Variants in PLCB4 observed in about 807,000 individuals in gnomAD.
PLCB4 encodes 1-phosphatidylinositol 4,5-bisphosphate phosphodiesterase beta-4.
PLCB4 carries 77 observed loss-of-function variants against 178.8 expected under a neutral mutation model. The ratio of observed to expected loss-of-function variants is 0.43; its 90% CI spans 0.36 to 0.52. The LOEUF is 0.52. PLCB4 is among the 20% of genes least tolerant of loss of function. The pLI, the probability that PLCB4 is intolerant of heterozygous loss-of-function variation, is 0.00. For synonymous variants in PLCB4, 496 were observed against 490.8 expected, an observed-to-expected ratio of 1.01 and a Z score of -0.14; for missense variants, 1,024 against 1,453.4, an observed-to-expected ratio of 0.70 and a Z score of 4.80.
intron 2 of PLCB4, among the ~76,000 whole-genome samples, chr20:9,184,788 G>GT (rs765264432): frequency 6.6e-6 from 1 of 152,100 alleles, no homozygotes; most frequent in Non-Finnish European, 1.5e-5. Flanking sequence ...AATCTTGACA[G>GT]TTGTACATTC....
chr20:9,252,985 C>T (rs1013217284), intron 3 of PLCB4, among the ~76,000 whole-genome samples: 2 of 152,164 alleles, frequency 1.3e-5, no homozygotes, highest in Non-Finnish European at 2.9e-5. Context: ...TCTCAGCCTC[C>T]GTGATCATGT....
intron 2 of PLCB4, among the ~76,000 whole-genome samples, chr20:9,206,489 C>T (rs1274661547): frequency 6.6e-6 from 1 of 152,068 alleles, no homozygotes; most frequent in African/African-American, 2.4e-5. Context: ...CTCTTGGGAG[C>T]TCCAGAAACT....
intron 19 of PLCB4, among the ~76,000 whole-genome samples, chr20:9,399,085 T>C (rs2038831118): frequency 6.6e-6 from 1 of 152,250 alleles, no homozygotes; most frequent in African/African-American, 2.4e-5. Flanking sequence ...AATTAGCATC[T>C]GTATGGCTTC....
chr20:9,448,593 T>C (rs1310735539), intron 32 of PLCB4, among the ~76,000 whole-genome samples: 4 of 151,584 alleles, frequency 2.6e-5, no homozygotes, highest in African/African-American at 9.7e-5. Flanking sequence ...TTGTAGACTT[T>C]CTTAAAACAT....
At chr20:9,409,333 TAA>T (rs57434661) in intron 24 of PLCB4, 152 bp downstream of exon 24, 191 of 382,368 alleles carry the variant, frequency 5.0e-4, no homozygotes, top group Middle Eastern at 2.1e-3. Context: ...TGGTGAGAAA[TAA>T]AAAAAAAAAA....
chr20:9,343,191 A>C (rs1352813403), intron 7 of PLCB4, among the ~76,000 whole-genome samples: 1 of 152,014 alleles, frequency 6.6e-6, no homozygotes, highest in African/African-American at 2.4e-5. Flanking sequence ...TATGAGATTC[A>C]TGAGTCTTTT....
Position 9,405,338 on chromosome 20 carries a change from A to G in PLCB4, c.1637A>G (p.Asn546Ser). 4.5e-6 allele frequency: 7 copies of G among 1,543,708 alleles called. No homozygotes were observed. The highest frequency in any genetic ancestry group is 6.2e-6 in the Non-Finnish European group (7 of 1,134,288). ...GCTTCAGATGACCTTGAACATGAAAACAACAAAAAGGTAACAAAATAATTC... is the reference window on the plus strand; with the variant it reads ...GCTTCAGATGACCTTGAACATGAAAGCAACAAAAAGGTAACAAAATAATTC... Reference protein sequence around the residue: ...KKASDDLEHENNKKGLVTVED... With the variant: ...KKASDDLEHESNKKGLVTVED... The change falls in exon 21 of 40, where the codon AAC becomes AGC. Residue 546 changes from asparagine to serine, a missense_variant. Around this residue, in one of 7 missense-constraint regions of PLCB4, gnomAD observed 263 missense variants for 417.4 expected, o/e 0.63. Transcript: ENST00000378473.
intron 2 of PLCB4, among the ~76,000 whole-genome samples, chr20:9,122,833 A>G (rs988623749): frequency 6.6e-6 from 1 of 152,134 alleles, no homozygotes; most frequent in African/African-American, 2.4e-5. Context: ...TAAAGGGACC[A>G]TTGGGCTTGC....
chr20:9,359,928 C>T (rs2035175104), intron 7 of PLCB4, among the ~76,000 whole-genome samples: 1 of 152,146 alleles, frequency 6.6e-6, no homozygotes, highest in Non-Finnish European at 1.5e-5. Context: ...TAAAAAAACC[C>T]CAACAAGACA....
At chr20:9,395,494 A>G (rs748033172) in intron 18 of PLCB4, 29 bp from the exon 19 acceptor site, 14 of 1,504,398 alleles carry the variant, frequency 9.3e-6, no homozygotes, top group Non-Finnish European at 1.2e-5. Flanking sequence ...AGCATCTGTC[A>G]CCATCTCTTT....
rs1021530583 is a variant in PLCB4 at position 9,247,053 on chromosome 20, G to A, written c.-16+29601G>A. Among the ~76,000 whole-genome samples the A allele has an allele frequency of 2.0e-5, 3 of 152,068 alleles. No individual in the cohort carries two copies. In the East Asian group the frequency reaches 5.8e-4, roughly 29 times the overall value. ...GTTACTATTATTTCAAAGTAGTGAT[G>A]ACAGTACCCAGCATATTAAGATACT... On this transcript the variant is annotated intron_variant, in intron 3 of 39. Transcript: ENST00000378473.
intron 3 of PLCB4, among the ~76,000 whole-genome samples, chr20:9,279,493 ATAGG>A (rs890698996): frequency 6.6e-6 from 1 of 151,996 alleles, no homozygotes; most frequent in Non-Finnish European, 1.5e-5. Context: ...AGATGGGGAG[ATAGG>A]TAGGAATAGA....
intron 3 of PLCB4, among the ~76,000 whole-genome samples, chr20:9,244,511 AG>A (rs1392860343): frequency 6.6e-6 from 1 of 152,156 alleles, no homozygotes; most frequent in African/African-American, 2.4e-5. Context: ...GAACTCCTGC[AG>A]GGAACAAAAA....
chr20:9,167,344 T>C (rs569024638), intron 2 of PLCB4, among the ~76,000 whole-genome samples: 1 of 151,540 alleles, frequency 6.6e-6, no homozygotes, highest in African/African-American at 2.4e-5. Flanking sequence ...GATGTTAAAC[T>C]TTTTTTATAA....
intron 1 of PLCB4, among the ~76,000 whole-genome samples, chr20:9,078,897 T>G (rs557928692): frequency 6.6e-6 from 1 of 152,342 alleles, no homozygotes; most frequent in South Asian, 2.1e-4. Flanking sequence ...TGTTTCTGTT[T>G]CCCAAAGATG....
At chr20:9,475,920 A>G (rs753765749) in intron 38 of PLCB4, among the ~76,000 whole-genome samples, 2 of 152,240 alleles carry the variant, frequency 1.3e-5, no homozygotes, top group Non-Finnish European at 2.9e-5. Context: ...TCTCCAGACA[A>G]TGCAAACTTC....
chr20:9,249,113 T>C (rs2094154197), intron 3 of PLCB4, among the ~76,000 whole-genome samples: 1 of 152,218 alleles, frequency 6.6e-6, no homozygotes, highest in South Asian at 2.1e-4. Context: ...TTAAGGACTT[T>C]TGTACCTTTG....
At chr20:9,156,230 C>T (rs895739885) in intron 2 of PLCB4, among the ~76,000 whole-genome samples, 1 of 152,136 alleles carries the variant, frequency 6.6e-6, no homozygotes, top group Non-Finnish European at 1.5e-5. Flanking sequence ...CATGCAGTCT[C>T]CTCATCCATA....
intron 2 of PLCB4, among the ~76,000 whole-genome samples, chr20:9,114,884 G>A (rs2091724897): frequency 6.6e-6 from 1 of 152,138 alleles, no homozygotes; most frequent in Non-Finnish European, 1.5e-5. Flanking sequence ...CACGTTTAAG[G>A]GCCTGTGCAC....
Sources: allele counts gnomAD v4.1 joint callset (sites outside exome capture counted in the v4.1 genomes callset), GRCh38; gene constraint gnomAD v4.1.1; regional missense constraint gnomAD v4.1.1; transcripts MANE v1.5; gene names NCBI Gene and HGNC (gene_info 2026-07-23, HGNC 2026-07-21).